Variants in NF1 observed in about 807,000 individuals in gnomAD.
NF1 encodes neurofibromin 1, also known as neurofibromin.
In NF1, 122 loss-of-function variants were observed where a neutral mutation model predicts 325.7. The observed-to-expected ratio is 0.37, with a 90% CI of 0.32 to 0.44. The LOEUF is 0.44. Ranked by LOEUF, NF1 falls within the 20% of genes least tolerant of loss-of-function variation. The pLI is 1.00. For missense variants in NF1, 2,140 were observed against 3,415.4 expected (o/e 0.63, Z 9.31); for synonymous variants, 1,091 against 1,186.0 (o/e 0.92, Z 1.65).
chr17:31,341,992 A>G (rs17885075), intron 47 of NF1, among the ~76,000 whole-genome samples: 77 of 152,316 alleles, frequency 5.1e-4, no homozygotes, highest in African/African-American at 1.8e-3. Context: ...TTATGGTTTT[A>G]AGTGTAAAAA....
chr17:31,210,637 CT>C (rs1283627773), intron 12 of NF1, among the ~76,000 whole-genome samples: 1 of 152,048 alleles, frequency 6.6e-6, no homozygotes, highest in Non-Finnish European at 1.5e-5. Context: ...ATTTGCTTCT[CT>C]TCTGGAAAGA....
At chr17:31,168,044 A>T (rs1447514026) in intron 4 of NF1, among the ~76,000 whole-genome samples, 1 of 152,216 alleles carries the variant, frequency 6.6e-6, no homozygotes, top group Non-Finnish European at 1.5e-5. Context: ...AATCTAGTTG[A>T]TAAAAGTAGA....
At chr17:31,213,434 GT>G (rs1462482733) in intron 12 of NF1, among the ~76,000 whole-genome samples, 1 of 152,124 alleles carries the variant, frequency 6.6e-6, no homozygotes, top group African/African-American at 2.4e-5. Context: ...GTTCATTTGT[GT>G]TGTAGATATG....
At chr17:31,316,340 T>C (rs766408880) in intron 36 of NF1, among the ~76,000 whole-genome samples, 1 of 151,124 alleles carries the variant, frequency 6.6e-6, no homozygotes, top group Admixed American at 6.6e-5. Context: ...GAAACACTTC[T>C]GTTTGTTCAG....
intron 1 of NF1, among the ~76,000 whole-genome samples, chr17:31,113,264 AG>A (rs1913584366): frequency 6.6e-6 from 1 of 152,084 alleles, no homozygotes; most frequent in East Asian, 1.9e-4. Context: ...GTTTTTATTT[AG>A]GCCATAGATT....
intron 37 of NF1, among the ~76,000 whole-genome samples, 156 bp from the exon 38 acceptor site, chr17:31,327,343 A>T (rs573423489): frequency 2.6e-5 from 4 of 152,366 alleles, no homozygotes; most frequent in African/African-American, 9.6e-5. Context: ...AACATTTATC[A>T]TAATAATTAC....
rs144525937 is a variant in NF1, at chr17:31,189,470, A to G, written c.888+6805A>G. 3.1e-3 allele frequency among the ~76,000 whole-genome samples: 467 copies of G among 152,236 alleles called. 3 individuals are homozygous for G. Among genetic ancestry groups the G allele is most frequent in the African/African-American group, 0.011 (452 of 41,552 alleles). ...TTAACAAAGTTGTACAATCATCACC[A>G]TTGTTTCTGTGCAGAACATTTTCAT... On this transcript the variant is annotated intron_variant, in intron 8 of 57. Transcript: ENST00000358273.
At chr17:31,120,221 T>C (rs1914313509) in intron 1 of NF1, among the ~76,000 whole-genome samples, 2 of 152,232 alleles carry the variant, frequency 1.3e-5, no homozygotes, top group African/African-American at 2.4e-5. Flanking sequence ...TTTCATGATA[T>C]CGATTCTTCC....
rs760941036 is a variant in NF1, at chr17:31,336,865, C to T, written c.6378C>T (p.Val2126=). The change falls in exon 42 of 58, where the codon GTC becomes GTT. Residue 2126 remains valine, a synonymous_variant. Coordinates refer to ENST00000358273, the MANE Select transcript of NF1 (RefSeq NM_001042492.3). This position sits in a 1 kb window ranked among gnomAD's most constrained non-coding sequence, Gnocchi z 5.5. ...TTAGAGCTTCCACACATGGACTGGT[C>T]ATTAATATCATTCACTCTCTGTGTA... ...LSLRASTHGL[V]INIIHSLCTC... 21 of 1,613,310 alleles carry T rather than the reference C, an allele frequency of 1.3e-5. No individual in the cohort carries two copies. The South Asian group carries it at 2.2e-4, about 17-fold the overall frequency.
intron 22 of NF1, 46 bp from the exon 23 acceptor site, chr17:31,230,212 CTT>C: frequency 1.9e-6 from 3 of 1,601,338 alleles, no homozygotes; most frequent in Non-Finnish European, 2.6e-6. Context: ...AATGCCTTCT[CTT>C]TTGTCTATAT....
intron 43 of NF1, 65 bp downstream of exon 43, chr17:31,337,647 A>AT (rs1316031258): frequency 6.8e-7 from 1 of 1,477,472 alleles, no homozygotes; most frequent in African/African-American, 1.4e-5. Flanking sequence ...TTAATACTAT[A>AT]TAGAAGAAAT....
intron 37 of NF1, 68 bp downstream of exon 37, chr17:31,326,320 C>T: frequency 2.0e-6 from 3 of 1,480,936 alleles, no homozygotes; most frequent in Non-Finnish European, 2.8e-6. Flanking sequence ...ATATCCTGGC[C>T]TCCCTAGGTG....
chr17:31,251,699 T>C (rs528793383), intron 30 of NF1: 74 of 201,306 alleles, frequency 3.7e-4, no homozygotes, highest in African/African-American at 1.6e-3. Flanking sequence ...ATGATAGTTA[T>C]ATACCACTGT....
chr17:31,215,420 C>T (rs531993349), intron 13 of NF1, among the ~76,000 whole-genome samples: 1 of 152,240 alleles, frequency 6.6e-6, no homozygotes, highest in South Asian at 2.1e-4. Context: ...ACAGCATGGA[C>T]GCTGGAGACT....
At chr17:31,214,018 A>T (rs902224790) in intron 12 of NF1, among the ~76,000 whole-genome samples, 17 of 152,180 alleles carry the variant, frequency 1.1e-4, no homozygotes, top group African/African-American at 4.1e-4. Context: ...TACAATTGAT[A>T]ATGTTGTAGA....
At chr17:31,173,044 G>A (rs2065958609) in intron 5 of NF1, among the ~76,000 whole-genome samples, 1 of 152,140 alleles carries the variant, frequency 6.6e-6, no homozygotes, top group Non-Finnish European at 1.5e-5. Context: ...CACTTTGTTA[G>A]GCTAAGGTGG....
intron 47 of NF1, among the ~76,000 whole-genome samples, chr17:31,340,990 T>C (rs2151562791): frequency 6.6e-6 from 1 of 152,280 alleles, no homozygotes; most frequent in African/African-American, 2.4e-5. Flanking sequence ...TGCCAGGCCG[T>C]ATGCTAAACA....
chr17:31,164,000 C>T (rs2065806015), intron 4 of NF1, among the ~76,000 whole-genome samples: 1 of 152,130 alleles, frequency 6.6e-6, no homozygotes, highest in Admixed American at 6.5e-5. Flanking sequence ...TAAAATACTG[C>T]CATTTATTGA....
chr17:31,231,635 A>G (rs2067114255), intron 24 of NF1, among the ~76,000 whole-genome samples: 2 of 152,176 alleles, frequency 1.3e-5, no homozygotes. Context: ...ATCTAATACA[A>G]TATAAATGTT....
Sources: allele counts gnomAD v4.1 joint callset (sites outside exome capture counted in the v4.1 genomes callset), GRCh38; gene constraint gnomAD v4.1.1; non-coding constraint Gnocchi (gnomAD v3.1); transcripts MANE v1.5; gene names NCBI Gene and HGNC (gene_info 2026-07-23, HGNC 2026-07-21).